The following TARS3 variants were observed in gnomAD, a reference collection of about 807,000 sequenced individuals.
The protein encoded by TARS3 is threonyl-tRNA synthetase 3.
Under a neutral mutation model 103.5 loss-of-function variants are expected in TARS3, and 94 were observed. The observed-to-expected ratio is 0.91, with a 90% confidence interval of 0.77 to 1.08. TARS3 has a LOEUF of 1.08. Among genes scored for constraint, TARS3 ranks in the 50% least tolerant of loss-of-function variants. The probability of loss-of-function intolerance (pLI) is 0.00; values close to 1 mark genes in which losing one functional copy is unlikely to be tolerated. For synonymous variants in TARS3, 416 were observed against 355.4 expected (o/e 1.17, Z -1.92); for missense variants, 952 against 995.2 (o/e 0.96, Z 0.58).
Position 101,724,310 on chromosome 15 carries a change from C to T in TARS3, c.78G>A (p.Trp26Ter). The change falls in exon 1 of 19, where the codon TGG becomes TGA. Residue 26 changes from tryptophan to a stop codon, truncating the protein, a stop_gained. Coordinates refer to ENST00000335968, the MANE Select transcript of TARS3 (RefSeq NM_152334.3). LOFTEE classifies it high-confidence loss of function. ...CGTCCCTCAGGCGCTCGACCTCCGA[C>T]CACAGCCAGCGGATGTCCTCCTCCT... ...ERQEEDIRWL[W>*]SEVERLRDEQ... The T allele has an allele frequency of 6.4e-7, 1 of 1,571,228 alleles. No individual in the cohort carries two copies. Among genetic ancestry groups the T allele is most frequent in the Non-Finnish European group, 8.6e-7 (1 of 1,165,316 alleles).
At chr15:101,720,950 C>T (rs1052709012) in intron 3 of TARS3, among the ~76,000 whole-genome samples, 176 bp downstream of exon 3, 1 of 152,204 alleles carries the variant, frequency 6.6e-6, no homozygotes, top group African/African-American at 2.4e-5. Context: ...GCCTCCCCAG[C>T]CCTGCGGAAC....
chr15:101,721,324 T>C lies in TARS3; in HGVS notation c.370-2A>G. Reference sequence around the variant, plus strand: ...TATGAAAATTGGTTGATGCTTCACCTGGAAATTATTAGAACATAATGAGAT... The same window carrying C: ...TATGAAAATTGGTTGATGCTTCACCCGGAAATTATTAGAACATAATGAGAT... On this transcript the variant is annotated splice_acceptor_variant, in intron 2 of 18. Transcript: ENST00000335968. LOFTEE classifies it high-confidence loss of function. The C allele has an allele frequency of 6.2e-7, 1 of 1,605,730 alleles. No individual in the cohort carries two copies. Among genetic ancestry groups the C allele is most frequent in the Non-Finnish European group, 8.5e-7 (1 of 1,172,798 alleles).
At chr15:101,723,945 G>C (rs1900623316) in intron 1 of TARS3, 146 bp downstream of exon 1, 6 of 347,770 alleles carry the variant, frequency 1.7e-5, no homozygotes, top group Non-Finnish European at 2.2e-5. Flanking sequence ...CCACCGAGCA[G>C]GGCAGGGCGG....
At chr15:101,707,662 G>C (rs1899638016) in intron 6 of TARS3, among the ~76,000 whole-genome samples, 1 of 151,878 alleles carries the variant, frequency 6.6e-6, no homozygotes, top group Admixed American at 6.6e-5. Context: ...TTCAGAGACG[G>C]AGAGTAGAAT....
intron 13 of TARS3, 67 bp from the exon 14 acceptor site, chr15:101,671,815 A>G: frequency 7.8e-7 from 1 of 1,279,504 alleles, no homozygotes; most frequent in Non-Finnish European, 1.1e-6. Flanking sequence ...ACAGCTCACA[A>G]AAGTTACTAT....
At chr15:101,662,396 G>A (rs369345258) in intron 15 of TARS3, among the ~76,000 whole-genome samples, 5 of 152,096 alleles carry the variant, frequency 3.3e-5, no homozygotes, top group Admixed American at 6.6e-5. Context: ...TGTGACATGC[G>A]ACACTTACAA....
chr15:101,679,111 A>G (rs1362149377), intron 12 of TARS3, among the ~76,000 whole-genome samples: 1 of 152,052 alleles, frequency 6.6e-6, no homozygotes, highest in Non-Finnish European at 1.5e-5. Flanking sequence ...TTACTATGAT[A>G]TATCTTGGTG....
chr15:101,717,355 A>C (rs1486894351), intron 3 of TARS3, among the ~76,000 whole-genome samples: 1 of 152,246 alleles, frequency 6.6e-6, no homozygotes, highest in African/African-American at 2.4e-5. Context: ...AGGATTACAT[A>C]ATGTGTACAT....
intron 10 of TARS3, among the ~76,000 whole-genome samples, 160 bp downstream of exon 10, chr15:101,700,926 G>T (rs371109730): frequency 9.9e-5 from 15 of 152,280 alleles, no homozygotes; most frequent in African/African-American, 3.6e-4. Context: ...ATAGGTGTGA[G>T]CCACCGTGTC....
At chr15:101,674,047 A>C (rs987018635) in intron 13 of TARS3, among the ~76,000 whole-genome samples, 1 of 152,174 alleles carries the variant, frequency 6.6e-6, no homozygotes, top group Admixed American at 6.5e-5. Context: ...TAAACAACTC[A>C]TAAGTTTTAA....
chr15:101,704,752 A>G (rs190905800), intron 7 of TARS3, among the ~76,000 whole-genome samples: 129 of 152,286 alleles, frequency 8.5e-4, no homozygotes, highest in Non-Finnish European at 1.5e-3. Flanking sequence ...AAAAACTACA[A>G]AAAGTGTCAA....
intron 3 of TARS3, among the ~76,000 whole-genome samples, chr15:101,715,296 G>A (rs1333234805): frequency 6.6e-6 from 1 of 151,038 alleles, no homozygotes; most frequent in African/African-American, 2.4e-5. Flanking sequence ...ACAGGCGCCC[G>A]CCACTACGCG....
At position 101,721,172 on chromosome 15, in the gene TARS3, C is replaced by T; in HGVS notation, c.520G>A (p.Gly174Arg). The change falls in exon 3 of 19, where the codon GGG becomes AGG. Residue 174 changes from glycine (G) to arginine (R), a missense_variant. By Grantham distance (125) the Gly-to-Arg change is moderately radical. Transcript: ENST00000335968. Reference protein sequence around the residue: ...VRVADGQTVQGEVWKTTPYQV... With the variant: ...VRVADGQTVQREVWKTTPYQV... ...TAAGGCGTTGTTTTCCAGACTTCCC[C>T]TTGCACTGTTTGCCCATCAGCCACT... is the stretch of plus-strand genomic sequence containing the variant. 6.2e-7 allele frequency: 1 copy of T among 1,612,746 alleles called. No homozygotes were observed. Among genetic ancestry groups the T allele is most frequent in the Non-Finnish European group, 8.5e-7 (1 of 1,178,876 alleles).
intron 3 of TARS3, among the ~76,000 whole-genome samples, chr15:101,717,631 C>T (rs966004207): frequency 6.6e-6 from 1 of 152,216 alleles, no homozygotes; most frequent in African/African-American, 2.4e-5. Flanking sequence ...TCTCCACCTT[C>T]TGTAGATGGG....
chr15:101,654,894 G>A (rs1275454909), intron 18 of TARS3, among the ~76,000 whole-genome samples, 164 bp from the exon 19 acceptor site: 5 of 152,256 alleles, frequency 3.3e-5, no homozygotes, highest in African/African-American at 9.6e-5. Flanking sequence ...CTTGAGGGAA[G>A]CAATGACTTC....
chr15:101,708,409 G>T (rs949776090), intron 6 of TARS3, among the ~76,000 whole-genome samples: 2 of 151,808 alleles, frequency 1.3e-5, no homozygotes, highest in African/African-American at 4.8e-5. Flanking sequence ...TTTTACACAG[G>T]TTACTCTAGG....
chr15:101,691,749 C>T (rs1418970472), intron 10 of TARS3, among the ~76,000 whole-genome samples: 1 of 152,002 alleles, frequency 6.6e-6, no homozygotes, highest in Non-Finnish European at 1.5e-5. Context: ...AACTTTAGTC[C>T]TCATGTTCTG....
Position 101,703,920 on chromosome 15 carries a change from T to C in TARS3, c.1013A>G (p.Asp338Gly). 1 of 1,612,958 alleles carries C rather than the reference T, an allele frequency of 6.2e-7. No individual in the cohort carries two copies. The highest frequency in any genetic ancestry group is 8.5e-7 in the Non-Finnish European group (1 of 1,179,166). Residue 338 changes from aspartate (D) to glycine (G), a missense_variant, in exon 8 of 19, where the codon GAC (aspartate) becomes GGC (glycine). Physicochemically the swap from Asp to Gly is moderately conservative, Grantham distance 94. Coordinates refer to ENST00000335968, the MANE Select transcript of TARS3 (RefSeq NM_152334.3). ...TTVYRCGPLI[D>G]LCKGPHVRHT... ...TCTTACATGTGGACCTTTGCAAAGG[T>C]CAATTAATGGACCGCACCTATAATG...
intron 1 of TARS3, 86 bp from the exon 2 acceptor site, chr15:101,723,250 G>A: frequency 8.0e-7 from 1 of 1,249,446 alleles, no homozygotes; most frequent in Non-Finnish European, 1.2e-6. Flanking sequence ...CAGGCTGCAA[G>A]TGCCCCGTGT....
Sources: allele counts gnomAD v4.1 joint callset (sites outside exome capture counted in the v4.1 genomes callset), GRCh38; gene constraint gnomAD v4.1.1; transcripts MANE v1.5; gene names NCBI Gene and HGNC (gene_info 2026-07-23, HGNC 2026-07-21).